The following MAN1B1 variants were observed in gnomAD, a reference collection of about 807,000 sequenced individuals.
MAN1B1 encodes the protein endoplasmic reticulum mannosyl-oligosaccharide 1,2-alpha-mannosidase.
Under a neutral mutation model 75.5 loss-of-function variants are expected in MAN1B1, and 66 were observed. The ratio of observed to expected loss-of-function variants is 0.87; its 90% CI spans 0.72 to 1.07. The LOEUF (loss-of-function observed/expected upper bound fraction) is 1.07, where lower values mean the gene tolerates loss of function less well. MAN1B1 is among the 50% of genes least tolerant of loss of function. The pLI, the probability that MAN1B1 is intolerant of heterozygous loss-of-function variation, is 0.00. For missense variants in MAN1B1, 973 were observed against 912.5 expected, an observed-to-expected ratio of 1.07 and a Z score of -0.85; for synonymous variants, 453 against 382.8, an observed-to-expected ratio of 1.18 and a Z score of -2.14.
chr9:137,098,189 G>GC (rs1225724325), intron 5 of MAN1B1, among the ~76,000 whole-genome samples: 1 of 152,244 alleles, frequency 6.6e-6, no homozygotes, highest in Non-Finnish European at 1.5e-5. Context: ...GGGCCAGGCT[G>GC]CCCCACGGGA....
intron 4 of MAN1B1, among the ~76,000 whole-genome samples, chr9:137,096,959 C>T (rs898292788): frequency 2.6e-5 from 4 of 152,224 alleles, no homozygotes; most frequent in African/African-American, 9.6e-5. Context: ...AAAGTGTGGG[C>T]AGAGCCAGGG....
chr9:137,101,877 G>C, intron 8 of MAN1B1: 1 of 716,236 alleles, frequency 1.4e-6, no homozygotes, highest in Non-Finnish European at 2.5e-6. Flanking sequence ...GCAGGTCGGT[G>C]GTGTTACACA....
chr9:137,103,869 G>C, intron 8 of MAN1B1: 1 of 455,320 alleles, frequency 2.2e-6, no homozygotes, highest in Non-Finnish European at 4.4e-6. Flanking sequence ...AGGCGTGCAG[G>C]TCAGTGGTGT....
rs1331723089 is a variant in MAN1B1 at position 137,087,038 on chromosome 9, T to C, written c.39T>C (p.Gly13=). ...ACEGRRSGAL[G]SSQSDFLTPP... ...AGGGCAGGAGAAGCGGAGCTCTCGG[T>C]TCCTCTCAGTCGGACTTCCTGACGC... Residue 13 remains glycine, a synonymous_variant, in exon 1 of 13, where the codon GGT becomes GGC. Coordinates refer to ENST00000371589, the MANE Select transcript of MAN1B1 (RefSeq NM_016219.5). 2 of 1,603,536 alleles carry C rather than the reference T, an allele frequency of 1.2e-6. No homozygotes were observed. The highest frequency in any genetic ancestry group is 2.2e-5 in the South Asian group (2 of 89,026).
At chr9:137,090,767 G>C (rs1226142149) in intron 3 of MAN1B1, among the ~76,000 whole-genome samples, 1 of 152,070 alleles carries the variant, frequency 6.6e-6, no homozygotes, top group Non-Finnish European at 1.5e-5. Flanking sequence ...TCGAACTCCT[G>C]ACCTCTTGAT....
intron 8 of MAN1B1, chr9:137,105,059 T>G (rs963706186): frequency 6.6e-6 from 1 of 152,444 alleles, no homozygotes; most frequent in African/African-American, 2.4e-5. Context: ...TTTGCCATGT[T>G]GGCCAGGATG....
At chr9:137,088,482 T>C (rs1157903258) in intron 2 of MAN1B1, 3 of 1,422,012 alleles carry the variant, frequency 2.1e-6, no homozygotes, top group East Asian at 5.6e-5. Flanking sequence ...CACACAAATT[T>C]CGTAGCACTC....
chr9:137,092,742 A>G (rs968836301), intron 3 of MAN1B1, among the ~76,000 whole-genome samples: 9 of 152,198 alleles, frequency 5.9e-5, no homozygotes, highest in African/African-American at 1.4e-4. Flanking sequence ...CCATGGCAGC[A>G]CTGGGCATTC....
chr9:137,097,684 G>C (rs181772544), intron 4 of MAN1B1, 144 bp from the exon 5 acceptor site: 25 of 695,574 alleles, frequency 3.6e-5, no homozygotes, highest in South Asian at 2.4e-4. Flanking sequence ...TGTGTTTCCT[G>C]CCACTCAGCA....
At chr9:137,104,007 T>C in intron 8 of MAN1B1, 1 of 454,674 alleles carries the variant, frequency 2.2e-6, no homozygotes, top group South Asian at 1.6e-5. Flanking sequence ...GGTGTTACAT[T>C]CACGCTGTTG....
chr9:137,106,567 C>G (rs1831115250), intron 9 of MAN1B1, 122 bp from the exon 10 acceptor site: 1 of 1,518,238 alleles, frequency 6.6e-7, no homozygotes, highest in East Asian at 2.3e-5. Flanking sequence ...AGGGTGGCAC[C>G]TTCTGTCCGG....
In MAN1B1 at chr9:137,101,555, C is replaced by T. The variant is rs141425542; in HGVS notation, c.1137C>T (p.Ile379=). 48 of 1,613,766 alleles carry T rather than the reference C, an allele frequency of 3.0e-5. No individual in the cohort carries two copies. The African/African-American group carries it at 4.4e-4, about 15-fold the overall frequency. The change falls in exon 8 of 13, where the codon ATC becomes ATT. Residue 379 remains isoleucine (I), a synonymous_variant. Transcript: ENST00000371589. ...PSKIPYSDVN[I]GTGVAHPPRW... ...AGATTCCTTACTCGGATGTGAACAT[C>T]GGTACTGGAGTTGCCCACCCGCCAC...
At chr9:137,103,854 C>T (rs113693983) in intron 8 of MAN1B1, 8 of 440,206 alleles carry the variant, frequency 1.8e-5, no homozygotes, top group South Asian at 4.8e-5. Flanking sequence ...CACATTCACA[C>T]TTGCAGGCGT....
chr9:137,100,007 G>T, intron 6 of MAN1B1, 126 bp downstream of exon 6: 1 of 1,132,622 alleles, frequency 8.8e-7, no homozygotes, highest in Admixed American at 1.8e-5. Context: ...CCCTTCTCCT[G>T]GGTGCGGGAG....
In MAN1B1 at chr9:137,108,787, G is replaced by A. The variant is rs762908285; in HGVS notation, c.*196G>A. On this transcript the variant is annotated 3_prime_UTR_variant, in exon 13 of 13. Transcript: ENST00000371589. The stretch of plus-strand genomic sequence containing the variant: ...GAGGCCGTCAGTCTTGGTGTGATGC[G>A]GGGTGGGCTGGGCCGCTGGAGCCTC... 1.3e-5 allele frequency: 9 copies of A among 700,444 alleles called. 1 individual carries two copies. The highest frequency in any genetic ancestry group is 1.2e-4 in the Admixed American group (6 of 49,694). 43.4% of individuals were successfully genotyped at this position (700,444 alleles called of 1,614,324 possible).
rs1432110087 is a variant in MAN1B1, at chr9:137,096,773, T to C, written c.620+382T>C. Reference sequence around the variant, plus strand: ...AGAGGGAGTTGCCCGGTGCCCAGGCTCCCAGAGTGCTGTCCTCTGCCCGGT... The same window carrying C: ...AGAGGGAGTTGCCCGGTGCCCAGGCCCCCAGAGTGCTGTCCTCTGCCCGGT... On this transcript the variant is annotated intron_variant, in intron 4 of 12. Coordinates refer to ENST00000371589, the MANE Select transcript of MAN1B1 (RefSeq NM_016219.5). 1.8e-4 allele frequency among the ~76,000 whole-genome samples: 28 copies of C among 152,192 alleles called. 1 individual carries two copies. Among genetic ancestry groups the C allele is most frequent in the Admixed American group, 1.8e-3 (28 of 15,280 alleles).
chr9:137,088,500 T>C, intron 2 of MAN1B1: 1 of 1,315,418 alleles, frequency 7.6e-7, no homozygotes, highest in Non-Finnish European at 1.0e-6. Context: ...CTCATTAGCG[T>C]GTGTTTGGAA....
intron 4 of MAN1B1, among the ~76,000 whole-genome samples, chr9:137,096,803 C>G (rs1301838005): frequency 6.6e-6 from 1 of 152,234 alleles, no homozygotes; most frequent in African/African-American, 2.4e-5. Flanking sequence ...CCCGGTTCGT[C>G]AAGTCCAGGT....
chr9:137,096,253 TC>T lies in MAN1B1; in HGVS notation c.484del (p.Gln162SerfsTer16), dbSNP rs1483774899. 1.2e-6 allele frequency: 2 copies of T among 1,614,030 alleles called. No individual in the cohort carries two copies. The highest frequency in any genetic ancestry group is 8.5e-7 in the Non-Finnish European group (1 of 1,180,012). ...EISSQKTQRH[I>X]QRGPPHLQIR... The stretch of plus-strand genomic sequence containing the variant: ...TCTCTACAGAAGACACAAAGACACA[TC>T]CAGCGGGGACCACCTCACCTGCAGA... On this transcript the variant is annotated frameshift_variant, in exon 4 of 13. Coordinates refer to ENST00000371589, the MANE Select transcript of MAN1B1 (RefSeq NM_016219.5). LOFTEE classifies it high-confidence loss of function.
Sources: gnomAD v4.1 joint callset for allele counts (sites outside exome capture counted in the v4.1 genomes callset) on GRCh38, gnomAD v4.1.1 for gene constraint, MANE v1.5 for transcripts, NCBI Gene and HGNC (gene_info 2026-07-23, HGNC 2026-07-21) for gene names.